UPF2: variants seen among roughly 807,000 people sequenced by gnomAD.
UPF2 encodes regulator of nonsense transcripts 2.
UPF2 carries 17 observed loss-of-function variants against 141.4 expected under a neutral mutation model. The observed-to-expected ratio is 0.12, with a 90% CI of 0.08 to 0.18. The LOEUF (loss-of-function observed/expected upper bound fraction) is 0.18. Among genes scored for constraint, UPF2 ranks in the 10% least tolerant of loss-of-function variants. UPF2 has a pLI of 1.00. For missense variants in UPF2, 1,152 were observed against 1,515.9 expected (o/e 0.76, Z 3.99); for synonymous variants, 540 against 498.0 (o/e 1.08, Z -1.12).
rs1832642594 is a variant in UPF2, at chr10:11,921,388, C to T, written c.3810-81G>A. On this transcript the variant is annotated intron_variant, in intron 21 of 21. Coordinates refer to ENST00000357604, the MANE Select transcript of UPF2 (RefSeq NM_015542.4). The surrounding 1 kb of genome is among the most constrained non-coding windows in gnomAD (Gnocchi z 5.9). ...GCAAGATGGCGTCTGCAACGCTACCCACCACCACCAAGTCACTCCCCCAAG... is the reference window on the plus strand; with the variant it reads ...GCAAGATGGCGTCTGCAACGCTACCTACCACCACCAAGTCACTCCCCCAAG... The T allele has an allele frequency of 1.9e-6, 3 of 1,566,310 alleles. No individual in the cohort carries two copies. The highest frequency in any genetic ancestry group is 2.7e-5 in the African/African-American group (2 of 74,104).
At chr10:12,028,401 G>T (rs962619277) in intron 3 of UPF2, among the ~76,000 whole-genome samples, 1 of 152,122 alleles carries the variant, frequency 6.6e-6, no homozygotes, top group Non-Finnish European at 1.5e-5. Flanking sequence ...GAACGTTAAA[G>T]CACACAGAAA....
rs1330545348 is a variant in UPF2, at chr10:11,920,470, C to T, written c.*828G>A. 2 of 152,630 alleles carry T rather than the reference C, an allele frequency of 1.3e-5. No homozygotes were observed. The highest frequency in any genetic ancestry group is 2.1e-4 in the South Asian group (1 of 4,838). The allele number at this position is 152,630 out of a possible 1,614,324, so 9.5% of individuals were successfully genotyped here. A position where few individuals can be genotyped will look rare whatever the true frequency, so the allele number is the denominator to read the frequency against. Reference sequence around the variant, plus strand: ...ATATTCTCATCCACTTCTTGTTGTCCTTCGTTCGTTTTCTGTGACATGTTG... The same window carrying T: ...ATATTCTCATCCACTTCTTGTTGTCTTTCGTTCGTTTTCTGTGACATGTTG... On this transcript the variant is annotated 3_prime_UTR_variant, in exon 22 of 22. Coordinates refer to ENST00000357604, the MANE Select transcript of UPF2 (RefSeq NM_015542.4).
chr10:11,977,204 C>CG (rs956351208), intron 9 of UPF2, among the ~76,000 whole-genome samples: 1 of 151,948 alleles, frequency 6.6e-6, no homozygotes, highest in Non-Finnish European at 1.5e-5. Context: ...ATAGTTGCAG[C>CG]GGGGGGAGGG....
At chr10:11,977,052 T>C (rs1003880997) in intron 9 of UPF2, among the ~76,000 whole-genome samples, 3 of 152,168 alleles carry the variant, frequency 2.0e-5, no homozygotes, top group Non-Finnish European at 4.4e-5. Context: ...GTTTCGAATC[T>C]GCAGAGACAC....
Position 11,921,864 on chromosome 10 carries a change from T to C in UPF2, c.3810-557A>G, listed in dbSNP as rs1443534212. Reference sequence around the variant, plus strand: ...TTCACAGTTTGTGTTATGGTTCAGTTGTGTATCCCCAAAATTCACATGTTA... The same window carrying C: ...TTCACAGTTTGTGTTATGGTTCAGTCGTGTATCCCCAAAATTCACATGTTA... On this transcript the variant is annotated intron_variant, in intron 21 of 21. Coordinates refer to ENST00000357604, the MANE Select transcript of UPF2 (RefSeq NM_015542.4). This position sits in a 1 kb window ranked among gnomAD's most constrained non-coding sequence, Gnocchi z 5.9. Among the ~76,000 whole-genome samples the C allele has an allele frequency of 2.6e-5, 4 of 152,174 alleles. No homozygotes were observed. Among genetic ancestry groups the C allele is most frequent in the Admixed American group, 2.0e-4 (3 of 15,272 alleles).
rs78315861 is a variant in UPF2, at chr10:12,029,317, A to G, written c.573T>C (p.His191=). The G allele has an allele frequency of 7.7e-3, 12,379 of 1,614,168 alleles. 101 individuals carry two copies. The highest frequency in any genetic ancestry group is 7.9e-3 in the Non-Finnish European group (9,308 of 1,180,022). The change falls in exon 3 of 22, where the codon CAT becomes CAC. Residue 191 remains histidine, a synonymous_variant. Coordinates refer to ENST00000357604, the MANE Select transcript of UPF2 (RefSeq NM_015542.4). Reference sequence around the variant, plus strand: ...TGCTTAAATTTAGGCCATTAAAATCATGGGACAAGGAGTCTCTCTGTTGTT... The same window carrying G: ...TGCTTAAATTTAGGCCATTAAAATCGTGGGACAAGGAGTCTCTCTGTTGTT... ...ITEQQRDSLS[H]DFNGLNLSKY... is the part of the protein sequence containing the mutation.
chr10:12,023,649 C>G lies in UPF2; in HGVS notation c.1145+5096G>C, dbSNP rs189903982. On this transcript the variant is annotated intron_variant, in intron 3 of 21. Coordinates refer to ENST00000357604, the MANE Select transcript of UPF2 (RefSeq NM_015542.4). ...AGGTTGTGATAAGCTGAGACCATGC[C>G]ACTGCACTCCAGCCTGGGGGACAGA... Among the ~76,000 whole-genome samples, 42 of 151,672 alleles carry G rather than the reference C, an allele frequency of 2.8e-4. No individual in the cohort carries two copies. The East Asian group carries it at 7.9e-3, about 29-fold the overall frequency.
intron 15 of UPF2, among the ~76,000 whole-genome samples, chr10:11,949,862 ATAT>A (rs1477081065): frequency 1.3e-5 from 2 of 152,354 alleles, no homozygotes; most frequent in East Asian, 1.9e-4. Context: ...TACACTAAAA[ATAT>A]TATTTACAGT....
intron 1 of UPF2, among the ~76,000 whole-genome samples, chr10:12,037,254 G>A (rs780204317): frequency 2.0e-5 from 3 of 151,974 alleles, no homozygotes; most frequent in Non-Finnish European, 4.4e-5. Context: ...CCAGGTAATT[G>A]TATTTTTAGT....
intron 3 of UPF2, among the ~76,000 whole-genome samples, chr10:12,023,424 T>C (rs936391055): frequency 6.0e-5 from 9 of 150,700 alleles, no homozygotes; most frequent in Non-Finnish European, 1.0e-4. Context: ...CCTGTAATCC[T>C]AGCACTTTGG....
At chr10:11,969,842 G>A (rs1833386513) in intron 9 of UPF2, among the ~76,000 whole-genome samples, 1 of 152,104 alleles carries the variant, frequency 6.6e-6, no homozygotes. Flanking sequence ...GACCTAATAG[G>A]GTTGTGAGTC....
At chr10:11,999,560 T>C (rs901773469) in intron 7 of UPF2, among the ~76,000 whole-genome samples, 1 of 149,380 alleles carries the variant, frequency 6.7e-6, no homozygotes, top group Non-Finnish European at 1.5e-5. Context: ...AAACTTAGTA[T>C]TATCATCAAA....
At chr10:12,030,217 G>C (rs984015475) in intron 2 of UPF2, among the ~76,000 whole-genome samples, 2 of 151,560 alleles carry the variant, frequency 1.3e-5, no homozygotes, top group Admixed American at 6.6e-5. Context: ...AATGGGCAAA[G>C]AGAAAAAAAA....
At chr10:12,001,931 C>CA in intron 5 of UPF2, 106 bp from the exon 6 acceptor site, 1 of 1,017,800 alleles carries the variant, frequency 9.8e-7, no homozygotes, top group Non-Finnish European at 1.4e-6. Context: ...TTAGAAGCTG[C>CA]ATGTATACCT....
chr10:11,958,495 T>G (rs1216289547), intron 12 of UPF2, among the ~76,000 whole-genome samples: 1 of 152,236 alleles, frequency 6.6e-6, no homozygotes, highest in African/African-American at 2.4e-5. Context: ...AACTACTGCC[T>G]CTGACTGAGG....
chr10:12,006,055 T>C (rs1834030375), intron 4 of UPF2, among the ~76,000 whole-genome samples: 1 of 151,576 alleles, frequency 6.6e-6, no homozygotes, highest in African/African-American at 2.4e-5. Flanking sequence ...AATTTTTCCA[T>C]TTTTAGTAGA....
intron 10 of UPF2, among the ~76,000 whole-genome samples, chr10:11,965,950 G>C (rs1469578932): frequency 6.6e-6 from 1 of 152,120 alleles, no homozygotes; most frequent in Non-Finnish European, 1.5e-5. Context: ...GTAACGGAAT[G>C]ATCAATTTCA....
intron 9 of UPF2, among the ~76,000 whole-genome samples, chr10:11,968,105 G>T (rs181777762): frequency 4.6e-5 from 7 of 152,150 alleles, no homozygotes; most frequent in African/African-American, 1.7e-4. Flanking sequence ...CTTGAACCCC[G>T]GAGGCAGAGG....
intron 8 of UPF2, among the ~76,000 whole-genome samples, chr10:11,984,558 A>C (rs1324358980): frequency 6.6e-6 from 1 of 151,934 alleles, no homozygotes; most frequent in East Asian, 1.9e-4. Context: ...ATGTCATTTC[A>C]CTTTTCTTCT....
Sources: gnomAD v4.1 joint callset for allele counts (sites outside exome capture counted in the v4.1 genomes callset) on GRCh38, gnomAD v4.1.1 for gene constraint, Gnocchi (gnomAD v3.1) non-coding constraint, MANE v1.5 for transcripts, NCBI Gene and HGNC (gene_info 2026-07-23, HGNC 2026-07-21) for gene names.